The following C6orf89 variants were observed in gnomAD, a reference collection of about 807,000 sequenced individuals.
The protein encoded by C6orf89 is chromosome 6 open reading frame 89.
In C6orf89, 29 loss-of-function variants were observed where a neutral mutation model predicts 40.7. That is an observed-to-expected ratio of 0.71 (90% CI 0.53 to 0.97). The LOEUF (loss-of-function observed/expected upper bound fraction) is 0.97, where lower values mean the gene tolerates loss of function less well. C6orf89 is among the 50% of genes least tolerant of loss of function. The pLI is 0.00. For missense variants in C6orf89, 392 were observed against 429.1 expected, an observed-to-expected ratio of 0.91 and a Z score of 0.76; for synonymous variants, 165 against 152.2, an observed-to-expected ratio of 1.08 and a Z score of -0.62.
chr6:36,919,430 G>A (rs1048478928), intron 7 of C6orf89, 148 bp from the exon 8 acceptor site: 2 of 933,246 alleles, frequency 2.1e-6, no homozygotes. Flanking sequence ...GGACATAATT[G>A]CAAATTTTTG....
upstream of C6orf89, chr6:36,885,917 G>A (rs1478620965): frequency 4.9e-6 from 5 of 1,028,026 alleles, no homozygotes; most frequent in Admixed American, 4.2e-5. Context: ...TCGCCCAGGA[G>A]TGGGGGGTTG....
upstream of C6orf89, among the ~76,000 whole-genome samples, chr6:36,881,391 G>A (rs1159281397): frequency 1.3e-5 from 2 of 152,174 alleles, no homozygotes; most frequent in African/African-American, 2.4e-5. Context: ...TAATTATAGG[G>A]GCCAGGCACG....
intron 3 of C6orf89, among the ~76,000 whole-genome samples, chr6:36,901,323 T>TATTATTATTACTA (rs1382621439): frequency 2.7e-3 from 89 of 32,546 alleles, no homozygotes; most frequent in African/African-American, 0.015. Flanking sequence ...TTATTATTAT[T>TATTATTATTACTA]TTTTTTTTTT....
intron 4 of C6orf89, 140 bp downstream of exon 4, chr6:36,902,574 A>C: frequency 1.4e-6 from 1 of 728,728 alleles, no homozygotes; most frequent in Non-Finnish European, 2.2e-6. Flanking sequence ...CTAAAACTCT[A>C]TGAGATGGGG....
intron 1 of C6orf89, among the ~76,000 whole-genome samples, chr6:36,886,263 A>G (rs1774984265): frequency 6.6e-6 from 1 of 152,108 alleles, no homozygotes. Context: ...CGCCGGGGAG[A>G]GCAAAACGAG....
chr6:36,902,482 A>G lies in C6orf89; in HGVS notation c.403+48A>G, dbSNP rs115666225. ...TATTAGATATAGTTTTCTTGACAGT[A>G]TATGATAGGAAAGGAAGTAACATTT... On this transcript the variant is annotated intron_variant, in intron 4 of 8. Coordinates refer to ENST00000480824, the MANE Select transcript of C6orf89 (RefSeq NM_001286635.2). 1,890 of 1,546,618 alleles carry G rather than the reference A, an allele frequency of 1.2e-3. 17 individuals are homozygous for G. The African/African-American group carries it at 0.017, about 14-fold the overall frequency.
In C6orf89 at chr6:36,914,660, T is replaced by G; in HGVS notation, c.662T>G (p.Phe221Cys). 1.2e-6 allele frequency: 2 copies of G among 1,614,218 alleles called. No homozygotes were observed. The highest frequency in any genetic ancestry group is 1.7e-6 in the Non-Finnish European group (2 of 1,180,024). ...TTTTTCGCCAAGTGGTGGCGCTGCT[T>G]TCCTGAGCGGTGGTTCCCATTTCCT... ...EGFFAKWWRC[F>C]PERWFPFPYP... is the part of the protein sequence containing the mutation. The change falls in exon 6 of 9, where the codon TTT becomes TGT. Residue 221 changes from phenylalanine (F) to cysteine (C), a missense_variant. Transcript: ENST00000480824.
At chr6:36,909,221 A>G (rs1762034898) in intron 4 of C6orf89, among the ~76,000 whole-genome samples, 1 of 147,762 alleles carries the variant, frequency 6.8e-6, no homozygotes, top group South Asian at 2.1e-4. Flanking sequence ...TGTACCTGAG[A>G]GATTCATATA....
At chr6:36,909,706 C>G (rs554710039) in intron 4 of C6orf89, among the ~76,000 whole-genome samples, 1 of 149,520 alleles carries the variant, frequency 6.7e-6, no homozygotes, top group Non-Finnish European at 1.5e-5. Context: ...CACCTGAGCC[C>G]GGGGAGGTCA....
chr6:36,899,360 T>C, intron 2 of C6orf89, 66 bp from the exon 3 acceptor site: 1 of 1,472,104 alleles, frequency 6.8e-7, no homozygotes, highest in Non-Finnish European at 9.5e-7. Flanking sequence ...TCAAGTAGCT[T>C]TGAAGAGGAA....
At position 36,893,831 on chromosome 6, in the gene C6orf89, A is replaced by G. The variant is rs1389063244; in HGVS notation, c.-119-673A>G. 3.3e-5 allele frequency among the ~76,000 whole-genome samples: 5 copies of G among 152,228 alleles called. No homozygotes were observed. In the East Asian group the frequency reaches 9.7e-4, roughly 29 times the overall value. ...CATTTTTTATTGTCTTGCTAGAGGG[A>G]CACTGTTGGCATTTGGTTGGATATG... On this transcript the variant is annotated intron_variant, in intron 1 of 8. Transcript: ENST00000480824.
intron 8 of C6orf89, 32 bp from the exon 9 acceptor site, chr6:36,923,315 T>C: frequency 6.4e-7 from 1 of 1,573,444 alleles, no homozygotes; most frequent in Non-Finnish European, 8.7e-7. Context: ...CTCTGACATT[T>C]ACATGCCTTC....
intron 4 of C6orf89, among the ~76,000 whole-genome samples, chr6:36,909,329 A>T (rs949224588): frequency 1.3e-5 from 2 of 152,112 alleles, no homozygotes; most frequent in African/African-American, 2.4e-5. Flanking sequence ...ATTTTAATAA[A>T]TGCAACCAAA....
At chr6:36,885,336 C>T (rs1301707624), upstream of C6orf89, among the ~76,000 whole-genome samples, 3 of 152,204 alleles carry the variant, frequency 2.0e-5, no homozygotes, top group Non-Finnish European at 4.4e-5. Flanking sequence ...ATTCCTGTGC[C>T]TCACTTTGCC....
At chr6:36,918,044 G>A (rs1381840910) in intron 7 of C6orf89, among the ~76,000 whole-genome samples, 5 of 152,206 alleles carry the variant, frequency 3.3e-5, no homozygotes, top group Non-Finnish European at 5.9e-5. Flanking sequence ...CCCTTTCCCC[G>A]CAGCCTTGTT....
At chr6:36,876,001 C>T (rs3756905) in intron 1 of C6orf89, among the ~76,000 whole-genome samples, 75,608 of 152,120 alleles carry the variant, frequency 0.5, 19,430 homozygotes, top group East Asian at 0.67. Flanking sequence ...CTCAGCTTTG[C>T]TGAATGAATA....
chr6:36,901,524 C>T (rs1158622073), intron 3 of C6orf89, among the ~76,000 whole-genome samples: 1 of 141,548 alleles, frequency 7.1e-6, no homozygotes, highest in Non-Finnish European at 1.5e-5. Context: ...TTAGTAGAGA[C>T]AGGGTTTCGC....
chr6:36,916,324 T>G, intron 6 of C6orf89, 121 bp from the exon 7 acceptor site: 1 of 1,047,606 alleles, frequency 9.5e-7, no homozygotes, highest in Non-Finnish European at 1.4e-6. Context: ...TAAGATACTG[T>G]ACTCATATTT....
chr6:36,881,958 A>G (rs1196621328), upstream of C6orf89, among the ~76,000 whole-genome samples: 2 of 152,200 alleles, frequency 1.3e-5, no homozygotes, highest in Non-Finnish European at 2.9e-5. Context: ...AAAATACACT[A>G]ATGGAAACAT....
Sources: allele counts gnomAD v4.1 joint callset (sites outside exome capture counted in the v4.1 genomes callset), GRCh38; gene constraint gnomAD v4.1.1; transcripts MANE v1.5; gene names NCBI Gene and HGNC (gene_info 2026-07-23, HGNC 2026-07-21).